Variants in CNTNAP2 observed in about 807,000 individuals in gnomAD.
CNTNAP2 encodes contactin-associated protein-like 2.
A neutral mutation model predicts 155.2 loss-of-function variants in CNTNAP2; 98 were observed. That is an observed-to-expected ratio of 0.63 (90% CI 0.54 to 0.75). The LOEUF (loss-of-function observed/expected upper bound fraction) is 0.75, where lower values mean the gene tolerates loss of function less well. CNTNAP2 is among the 30% of genes least tolerant of loss of function. The pLI, the probability that CNTNAP2 is intolerant of heterozygous loss-of-function variation, is 0.00. For synonymous variants in CNTNAP2, 651 were observed against 631.2 expected, an observed-to-expected ratio of 1.03 and a Z score of -0.47; for missense variants, 1,727 against 1,688.1, an observed-to-expected ratio of 1.02 and a Z score of -0.40.
chr7:146,728,386 C>T (rs1182809402), intron 1 of CNTNAP2, among the ~76,000 whole-genome samples: 3 of 151,998 alleles, frequency 2.0e-5, no homozygotes, highest in Non-Finnish European at 4.4e-5. Context: ...ATGGAGAGCC[C>T]TTGATGTTTA....
chr7:146,815,941 A>G (rs892733706), intron 2 of CNTNAP2, among the ~76,000 whole-genome samples: 11 of 152,076 alleles, frequency 7.2e-5, no homozygotes, highest in African/African-American at 2.4e-4. Context: ...CCTGATGTGC[A>G]TGATGATCCC....
At chr7:147,374,736 G>T (rs539514965) in intron 9 of CNTNAP2, among the ~76,000 whole-genome samples, 1 of 152,122 alleles carries the variant, frequency 6.6e-6, no homozygotes, top group Admixed American at 6.6e-5. Context: ...TAGGAAAAGA[G>T]GAATTTCCCT....
At chr7:147,133,522 C>T (rs1470972274) in intron 8 of CNTNAP2, among the ~76,000 whole-genome samples, 2 of 151,908 alleles carry the variant, frequency 1.3e-5, no homozygotes, top group African/African-American at 4.8e-5. Flanking sequence ...ATTTTTGTCC[C>T]TCTCTTTTCC....
chr7:147,906,247 A>G (rs1339355899), intron 14 of CNTNAP2, among the ~76,000 whole-genome samples: 2 of 152,078 alleles, frequency 1.3e-5, no homozygotes, highest in African/African-American at 4.8e-5. Flanking sequence ...GATGGAGTAC[A>G]GTGGCAAAAC....
At chr7:148,111,329 CAA>C (rs1804346623) in intron 15 of CNTNAP2, among the ~76,000 whole-genome samples, 1 of 151,920 alleles carries the variant, frequency 6.6e-6, no homozygotes, top group Non-Finnish European at 1.5e-5. Flanking sequence ...CTCAGAGAGA[CAA>C]GAGAAGATAT....
chr7:147,635,953 A>G (rs577870018), intron 12 of CNTNAP2, among the ~76,000 whole-genome samples: 1 of 152,350 alleles, frequency 6.6e-6, no homozygotes, highest in African/African-American at 2.4e-5. Context: ...TTTATGCCAG[A>G]GGCTGACTGT....
Position 146,191,980 on chromosome 7 carries a change from G to A in CNTNAP2, c.97+75007G>A, listed in dbSNP as rs556428833. ...GGATTAAGAGATTAAAGTAAAGACA[G>A]GCATAGGAAATCACAAGAGTATTGA... On this transcript the variant is annotated intron_variant, in intron 1 of 23. Coordinates refer to ENST00000361727, the MANE Select transcript of CNTNAP2 (RefSeq NM_014141.6). Among the ~76,000 whole-genome samples the A allele has an allele frequency of 2.0e-5, 3 of 152,248 alleles. No individual in the cohort carries two copies. In the South Asian group the frequency reaches 6.2e-4, roughly 32 times the overall value.
At chr7:147,399,190 C>A in intron 10 of CNTNAP2, among the ~76,000 whole-genome samples, 1 of 152,056 alleles carries the variant, frequency 6.6e-6, no homozygotes. Flanking sequence ...CCAGAACAAG[C>A]CCTCCAGACT....
intron 8 of CNTNAP2, among the ~76,000 whole-genome samples, chr7:147,148,719 G>T (rs1801764741): frequency 6.6e-6 from 1 of 152,224 alleles, no homozygotes; most frequent in Admixed American, 6.5e-5. Context: ...CACAGTGAGT[G>T]TTACAGCTGT....
intron 13 of CNTNAP2, among the ~76,000 whole-genome samples, chr7:147,651,861 C>T (rs1795454856): frequency 6.6e-6 from 1 of 152,162 alleles, no homozygotes. Context: ...AAGGGAAGCA[C>T]CTCCATTGAG....
intron 2 of CNTNAP2, among the ~76,000 whole-genome samples, chr7:146,804,166 GAAGAT>G (rs1802927820): frequency 6.6e-6 from 1 of 152,104 alleles, no homozygotes; most frequent in Non-Finnish European, 1.5e-5. Flanking sequence ...AGAGGGAACA[GAAGAT>G]AAGATGCTCC....
chr7:147,674,533 A>C (rs902480233), intron 13 of CNTNAP2, among the ~76,000 whole-genome samples: 2 of 152,136 alleles, frequency 1.3e-5, no homozygotes, highest in Admixed American at 6.6e-5. Flanking sequence ...ATACAATATT[A>C]TTTATAGAGT....
intron 1 of CNTNAP2, among the ~76,000 whole-genome samples, chr7:146,235,584 A>T (rs802578): frequency 0.5 from 75,667 of 151,934 alleles, 19,196 homozygotes; most frequent in East Asian, 0.64. Flanking sequence ...CATCAGCATC[A>T]TCTTCTCTGG....
At chr7:146,604,845 A>G (rs1799016204) in intron 1 of CNTNAP2, among the ~76,000 whole-genome samples, 1 of 144,010 alleles carries the variant, frequency 6.9e-6, no homozygotes, top group African/African-American at 2.5e-5. Context: ...AACACCTCAT[A>G]TTCTCACTCA....
intron 13 of CNTNAP2, among the ~76,000 whole-genome samples, chr7:147,697,324 T>TA (rs754195051): frequency 7.2e-5 from 11 of 152,176 alleles, no homozygotes; most frequent in Non-Finnish European, 1.6e-4. Context: ...AATTATACTT[T>TA]AAAAAAATTC....
chr7:146,568,161 A>G (rs933872172), intron 1 of CNTNAP2, among the ~76,000 whole-genome samples: 2 of 152,134 alleles, frequency 1.3e-5, no homozygotes, highest in Non-Finnish European at 2.9e-5. Context: ...TTTTCTTTTG[A>G]CTTCGGGCTT....
Position 146,858,979 on chromosome 7 carries a change from T to C in CNTNAP2, c.402+19075T>C, listed in dbSNP as rs559511790. 2.0e-5 allele frequency among the ~76,000 whole-genome samples: 3 copies of C among 152,296 alleles called. No individual in the cohort carries two copies. The South Asian group carries it at 6.2e-4, about 32-fold the overall frequency. On this transcript the variant is annotated intron_variant, in intron 3 of 23. Transcript: ENST00000361727. The stretch of plus-strand genomic sequence containing the variant: ...GAAATGATAATGTAAGGGTTTTACA[T>C]GACACATCAGGAAATTCCCAAACTT...
intron 1 of CNTNAP2, among the ~76,000 whole-genome samples, chr7:146,218,011 T>A (rs1562993850): frequency 6.6e-6 from 1 of 152,152 alleles, no homozygotes; most frequent in Non-Finnish European, 1.5e-5. Context: ...ACATGTTTTT[T>A]AAAAAGATCA....
Position 147,665,853 on chromosome 7 carries a change from T to C in CNTNAP2, c.2098+26547T>C, listed in dbSNP as rs113577008. ...TCCATGGTGTATATGTACCACATTTTCCTTAGTCAGTCTATTATTGATGGG... is the reference window on the plus strand; with the variant it reads ...TCCATGGTGTATATGTACCACATTTCCCTTAGTCAGTCTATTATTGATGGG... On this transcript the variant is annotated intron_variant, in intron 13 of 23. Coordinates refer to ENST00000361727, the MANE Select transcript of CNTNAP2 (RefSeq NM_014141.6). 4.6e-5 allele frequency among the ~76,000 whole-genome samples: 7 copies of C among 152,358 alleles called. 1 individual carries two copies. The highest frequency in any genetic ancestry group is 1.7e-4 in the African/African-American group (7 of 41,580).
Sources: allele counts gnomAD v4.1 joint callset (sites outside exome capture counted in the v4.1 genomes callset), GRCh38; gene constraint gnomAD v4.1.1; transcripts MANE v1.5; gene names NCBI Gene and HGNC (gene_info 2026-07-23, HGNC 2026-07-21).